Variants in CRACD observed in about 807,000 individuals in gnomAD.
CRACD encodes capping protein inhibiting regulator of actin dynamics, also known as capping protein-inhibiting regulator of actin dynamics.
A neutral mutation model predicts 106.8 loss-of-function variants in CRACD; 56 were observed. That is an observed-to-expected ratio of 0.52 (90% CI 0.42 to 0.66). The LOEUF (loss-of-function observed/expected upper bound fraction) is 0.66. Ranked by LOEUF, CRACD falls within the 30% of genes least tolerant of loss-of-function variation. The pLI, the probability that CRACD is intolerant of heterozygous loss-of-function variation, is 0.00. For missense variants in CRACD, 1,730 were observed against 1,623.2 expected, an observed-to-expected ratio of 1.07 and a Z score of -1.13; for synonymous variants, 754 against 670.8, an observed-to-expected ratio of 1.12 and a Z score of -1.92.
chr4:56,091,987 A>G (rs1202482287), intron 1 of CRACD, among the ~76,000 whole-genome samples: 2 of 152,196 alleles, frequency 1.3e-5, no homozygotes, highest in Non-Finnish European at 2.9e-5. Context: ...GTTTGAGACC[A>G]GCCAAGGCAA....
At position 56,165,179 on chromosome 4, in the gene CRACD, G is replaced by A. The variant is rs76546608; in HGVS notation, c.-335-14105G>A. 8.5e-3 allele frequency among the ~76,000 whole-genome samples: 1,287 copies of A among 152,280 alleles called. 16 individuals are homozygous for A. Among genetic ancestry groups the A allele is most frequent in the Non-Finnish European group, 0.012 (783 of 68,030 alleles). ...CTCCAACTGCCTGGGAAAATGAAAG[G>A]TGCAGACTGCAGGCACTTTAGCAGA... On this transcript the variant is annotated intron_variant, in intron 1 of 10. Coordinates refer to ENST00000682029, the MANE Select transcript of CRACD (RefSeq NM_001393381.1).
In CRACD at chr4:56,100,375, G is replaced by A. The variant is rs532554662; in HGVS notation, c.-336+51076G>A. Among the ~76,000 whole-genome samples the A allele has an allele frequency of 3.5e-4, 54 of 152,232 alleles. 2 individuals are homozygous for A. The highest frequency in any genetic ancestry group is 1.0e-3 in the Admixed American group (16 of 15,294). ...TTCTGAGCAGCTCTATATAATAATT[G>A]TGCCTTTGTTAATTGCAAAAAAGGT... is the stretch of plus-strand genomic sequence containing the variant. On this transcript the variant is annotated intron_variant, in intron 1 of 10. Transcript: ENST00000682029.
chr4:56,183,564 C>T (rs1442483139), intron 2 of CRACD, among the ~76,000 whole-genome samples: 1 of 152,212 alleles, frequency 6.6e-6, no homozygotes, highest in Admixed American at 6.5e-5. Context: ...GAAGAAGCGA[C>T]CACTGGCGGT....
intron 2 of CRACD, among the ~76,000 whole-genome samples, chr4:56,208,822 T>A (rs1738256525): frequency 6.6e-6 from 1 of 152,124 alleles, no homozygotes; most frequent in Admixed American, 6.6e-5. Flanking sequence ...CAAAATAGGG[T>A]CACAGGTCAT....
At chr4:56,180,941 A>G (rs1303044223) in intron 2 of CRACD, among the ~76,000 whole-genome samples, 1 of 152,178 alleles carries the variant, frequency 6.6e-6, no homozygotes, top group Non-Finnish European at 1.5e-5. Flanking sequence ...AATTTTTTAC[A>G]GTGAGCACAT....
At chr4:56,110,483 G>A (rs189842700) in intron 1 of CRACD, among the ~76,000 whole-genome samples, 271 of 152,306 alleles carry the variant, frequency 1.8e-3, no homozygotes, top group Non-Finnish European at 2.7e-3. Context: ...CAAGATGATA[G>A]CTTTGCAGTA....
intron 1 of CRACD, among the ~76,000 whole-genome samples, chr4:56,078,520 C>T (rs1041945164): frequency 2.6e-5 from 4 of 152,170 alleles, no homozygotes; most frequent in Non-Finnish European, 5.9e-5. Context: ...AATCCTCCTG[C>T]CTCAGCCTCC....
chr4:56,085,440 G>A (rs1733182250), intron 1 of CRACD, among the ~76,000 whole-genome samples: 3 of 152,076 alleles, frequency 2.0e-5, no homozygotes, highest in Non-Finnish European at 4.4e-5. Context: ...AGAGCCAAGA[G>A]AAACGGATTC....
chr4:56,328,072 AG>A lies in CRACD; in HGVS notation c.*269del. 5 of 387,790 alleles carry A rather than the reference AG, an allele frequency of 1.3e-5. No homozygotes were observed. The highest frequency in any genetic ancestry group is 2.4e-5 in the Non-Finnish European group (5 of 209,836). 24.0% of individuals were successfully genotyped at this position (387,790 alleles called of 1,614,324 possible). A position where few individuals can be genotyped will look rare whatever the true frequency, so the allele number is the denominator to read the frequency against. On this transcript the variant is annotated 3_prime_UTR_variant, in exon 11 of 11. Coordinates refer to ENST00000682029, the MANE Select transcript of CRACD (RefSeq NM_001393381.1). ...CACATGAAGCAAAATCTCTAAGCTAAGAACTCGTGAGAGCCTGCCATGCCCA... is the reference window on the plus strand; with the variant it reads ...CACATGAAGCAAAATCTCTAAGCTAAAACTCGTGAGAGCCTGCCATGCCCA...
chr4:56,052,552 T>G (rs1731911793), intron 1 of CRACD, among the ~76,000 whole-genome samples: 1 of 152,270 alleles, frequency 6.6e-6, no homozygotes, highest in Non-Finnish European at 1.5e-5. Context: ...TAAACATTTC[T>G]TGGGAATTAC....
intron 2 of CRACD, among the ~76,000 whole-genome samples, chr4:56,216,929 G>A (rs1738721001): frequency 1.4e-5 from 2 of 145,752 alleles, no homozygotes; most frequent in Admixed American, 7.0e-5. Context: ...GCAGTGAGCC[G>A]AGATTGCGCC....
At chr4:56,145,035 G>T (rs979673169) in intron 1 of CRACD, among the ~76,000 whole-genome samples, 1 of 152,010 alleles carries the variant, frequency 6.6e-6, no homozygotes, top group Non-Finnish European at 1.5e-5. Flanking sequence ...TTATCCCCCC[G>T]CCCCAGCCTC....
At chr4:56,202,429 T>G (rs527912250) in intron 2 of CRACD, among the ~76,000 whole-genome samples, 3 of 152,130 alleles carry the variant, frequency 2.0e-5, no homozygotes, top group Non-Finnish European at 4.4e-5. Flanking sequence ...CTATTTTTAA[T>G]AGAGATGGAG....
chr4:56,252,201 T>G (rs1741094711), intron 2 of CRACD, among the ~76,000 whole-genome samples: 1 of 152,198 alleles, frequency 6.6e-6, no homozygotes. Context: ...ACTGCTTTAC[T>G]TATCTGGGCT....
At chr4:56,097,313 G>C (rs1010867109) in intron 1 of CRACD, 2 of 152,288 alleles carry the variant, frequency 1.3e-5, no homozygotes, top group African/African-American at 4.8e-5. Context: ...GGTGTGGAAG[G>C]GTGTTAGGAT....
At chr4:56,165,190 A>G (rs1736095887) in intron 1 of CRACD, among the ~76,000 whole-genome samples, 1 of 151,974 alleles carries the variant, frequency 6.6e-6, no homozygotes, top group Non-Finnish European at 1.5e-5. Context: ...TGCAGACTGC[A>G]GGCACTTTAG....
chr4:56,246,135 A>G (rs1399316799), intron 2 of CRACD, among the ~76,000 whole-genome samples: 2 of 152,098 alleles, frequency 1.3e-5, no homozygotes, highest in Non-Finnish European at 2.9e-5. Flanking sequence ...CATGATATGC[A>G]GTGTGGTTCT....
chr4:56,161,795 G>T (rs1211781219), intron 1 of CRACD, among the ~76,000 whole-genome samples: 1 of 136,772 alleles, frequency 7.3e-6, no homozygotes, highest in Non-Finnish European at 1.6e-5. Context: ...ATGGAGTCTC[G>T]CTCTGTTGCG....
intron 3 of CRACD, among the ~76,000 whole-genome samples, chr4:56,281,554 TAGG>T (rs34090797): frequency 0.47 from 70,842 of 151,610 alleles, 17,374 homozygotes; most frequent in African/African-American, 0.62. Flanking sequence ...CCAGGATTAT[TAGG>T]AGGACAAAAA....
Sources: allele counts gnomAD v4.1 joint callset (sites outside exome capture counted in the v4.1 genomes callset), GRCh38; gene constraint gnomAD v4.1.1; transcripts MANE v1.5; gene names NCBI Gene and HGNC (gene_info 2026-07-23, HGNC 2026-07-21).